The following C5orf46 variants were observed in gnomAD, a reference collection of about 807,000 sequenced individuals.
C5orf46 encodes chromosome 5 open reading frame 46, also known as uncharacterized protein C5orf46.
C5orf46 carries 9 observed loss-of-function variants against 8.9 expected under a neutral mutation model. The ratio of observed to expected loss-of-function variants is 1.01; its 90% CI spans 0.61 to 1.76. C5orf46 has a LOEUF of 1.76. Among genes scored for constraint, C5orf46 ranks in the 40% most tolerant of loss-of-function variants. The pLI is 0.00. For synonymous variants in C5orf46, 47 were observed against 41.4 expected, an observed-to-expected ratio of 1.14 and a Z score of -0.52; for missense variants, 98 against 107.8, an observed-to-expected ratio of 0.91 and a Z score of 0.40.
downstream of C5orf46, chr5:147,892,580 T>A (rs1757518553): frequency 6.6e-6 from 1 of 152,180 alleles, no homozygotes; most frequent in South Asian, 2.1e-4. Context: ...GCTTTAGTCC[T>A]CTTATTTTGA....
chr5:147,886,934 G>T (rs1209574019), intron 2 of C5orf46: 16 of 152,050 alleles, frequency 1.1e-4, no homozygotes. Context: ...AGAACAGTTG[G>T]TATCTCAGGT....
At chr5:147,887,227 G>A (rs1238883784) in intron 2 of C5orf46, 2 of 152,078 alleles carry the variant, frequency 1.3e-5, no homozygotes, top group African/African-American at 4.8e-5. Context: ...AGACAGCAGA[G>A]GGCGCTCATT....
At chr5:147,898,295 T>C (rs563980761) in intron 2 of C5orf46, among the ~76,000 whole-genome samples, 63 of 152,234 alleles carry the variant, frequency 4.1e-4, no homozygotes, top group Middle Eastern at 3.4e-3. Context: ...TGCATATACA[T>C]ATACCCGAGG....
chr5:147,886,459 AT>A (rs1757417358), intron 2 of C5orf46: 1 of 145,946 alleles, frequency 6.9e-6, no homozygotes, highest in East Asian at 2.0e-4. Flanking sequence ...ACATATAATT[AT>A]CATATAATCA....
downstream of C5orf46, among the ~76,000 whole-genome samples, chr5:147,891,007 A>G (rs1278513439): frequency 1.3e-5 from 2 of 152,184 alleles, no homozygotes; most frequent in Non-Finnish European, 2.9e-5. Flanking sequence ...GTCATGATAG[A>G]AAGTTTGGGA....
chr5:147,899,425 G>T (rs868079655), intron 2 of C5orf46, among the ~76,000 whole-genome samples: 6 of 152,288 alleles, frequency 3.9e-5, no homozygotes, highest in Middle Eastern at 3.4e-3. Flanking sequence ...ACCACCCGCA[G>T]ATTTATCTCT....
chr5:147,904,437 A>C (rs936427762), intron 1 of C5orf46, among the ~76,000 whole-genome samples: 2 of 152,192 alleles, frequency 1.3e-5, no homozygotes, highest in African/African-American at 4.8e-5. Context: ...CCTCCAAACA[A>C]TTGTTCTGTA....
chr5:147,902,864 T>A (rs1153085), intron 1 of C5orf46, among the ~76,000 whole-genome samples: 71,895 of 152,100 alleles, frequency 0.47, 19,496 homozygotes, highest in East Asian at 0.6. Context: ...TTACAAATGT[T>A]GTGTAATTTT....
At chr5:147,904,380 A>ATT (rs1280849762) in intron 1 of C5orf46, among the ~76,000 whole-genome samples, 1 of 152,044 alleles carries the variant, frequency 6.6e-6, no homozygotes, top group African/African-American at 2.4e-5. Flanking sequence ...TTTGAACCTA[A>ATT]TTTTTTTTAA....
chr5:147,903,790 C>T (rs1468960567), intron 1 of C5orf46, among the ~76,000 whole-genome samples: 3 of 152,096 alleles, frequency 2.0e-5, no homozygotes, highest in Admixed American at 2.0e-4. Flanking sequence ...CTCTCTCGTC[C>T]AGGCTGAAGG....
intron 3 of C5orf46, among the ~76,000 whole-genome samples, chr5:147,894,458 C>T (rs1419473731): frequency 1.3e-5 from 2 of 152,048 alleles, no homozygotes; most frequent in Admixed American, 1.3e-4. Context: ...AATACTGTAC[C>T]TCTCTCTACT....
intron 1 of C5orf46, among the ~76,000 whole-genome samples, chr5:147,903,027 T>C (rs1757695498): frequency 6.6e-6 from 1 of 152,126 alleles, no homozygotes; most frequent in African/African-American, 2.4e-5. Context: ...TAAGGGCCCA[T>C]TGGAATGAGG....
At chr5:147,893,101 G>C (rs1025923717) in intron 3 of C5orf46, among the ~76,000 whole-genome samples, 162 bp from the exon 4 acceptor site, 2 of 152,056 alleles carry the variant, frequency 1.3e-5, no homozygotes, top group African/African-American at 4.8e-5. Context: ...ATACATTCTT[G>C]AGGAAATGAG....
intron 1 of C5orf46, among the ~76,000 whole-genome samples, chr5:147,902,142 GTAA>G (rs1322099569): frequency 1.3e-5 from 2 of 152,070 alleles, no homozygotes; most frequent in East Asian, 1.9e-4. Flanking sequence ...CATGCCCATG[GTAA>G]TAATAATATT....
At chr5:147,905,630 A>G (rs546590900) in intron 1 of C5orf46, among the ~76,000 whole-genome samples, 2 of 152,300 alleles carry the variant, frequency 1.3e-5, no homozygotes, top group East Asian at 3.9e-4. Flanking sequence ...ACAAACAGTA[A>G]ATTAATTAAT....
At chr5:147,899,569 C>A (rs751634536) in intron 2 of C5orf46, among the ~76,000 whole-genome samples, 1 of 152,152 alleles carries the variant, frequency 6.6e-6, no homozygotes, top group Non-Finnish European at 1.5e-5. Context: ...ACACTATATG[C>A]CATGTACTGT....
At chr5:147,888,994 TAGC>T (rs1757461519), downstream of C5orf46, among the ~76,000 whole-genome samples, 1 of 152,154 alleles carries the variant, frequency 6.6e-6, no homozygotes, top group African/African-American at 2.4e-5. Flanking sequence ...CAATGTCCAT[TAGC>T]ATTTTTTAAA....
At chr5:147,886,705 A>C (rs1452283941) in intron 2 of C5orf46, 1 of 151,100 alleles carries the variant, frequency 6.6e-6, no homozygotes, top group Non-Finnish European at 1.5e-5. Flanking sequence ...TTAAATTGTT[A>C]TCTATGTGAA....
downstream of C5orf46, among the ~76,000 whole-genome samples, chr5:147,892,070 T>C (rs1318158759): frequency 6.6e-6 from 1 of 152,246 alleles, no homozygotes; most frequent in Non-Finnish European, 1.5e-5. Flanking sequence ...AACTTTATTC[T>C]AGATTAGAGC....
Sources: gnomAD v4.1 joint callset for allele counts (sites outside exome capture counted in the v4.1 genomes callset) on GRCh38, gnomAD v4.1.1 for gene constraint, MANE v1.5 for transcripts, NCBI Gene and HGNC (gene_info 2026-07-23, HGNC 2026-07-21) for gene names.